The following SESN3 variants were observed in gnomAD, a reference collection of about 807,000 sequenced individuals.
SESN3 encodes the protein sestrin-3.
A neutral mutation model predicts 55.3 loss-of-function variants in SESN3; 21 were observed. That is an observed-to-expected ratio of 0.38 (90% CI 0.27 to 0.55). The LOEUF is 0.55. Ranked by LOEUF, SESN3 falls within the 20% of genes least tolerant of loss-of-function variation. The probability of loss-of-function intolerance (pLI) is 0.76; values close to 1 mark genes in which losing one functional copy is unlikely to be tolerated. For missense variants in SESN3, 408 were observed against 604.3 expected (o/e 0.68, Z 3.41); for synonymous variants, 181 against 203.1 (o/e 0.89, Z 0.93).
chr11:95,223,556 G>A (rs1860897544), intron 1 of SESN3, among the ~76,000 whole-genome samples: 1 of 152,142 alleles, frequency 6.6e-6, no homozygotes, highest in African/African-American at 2.4e-5. Flanking sequence ...ATTAGGGAAA[G>A]ATCATTTCTA....
At chr11:95,219,390 CAA>C (rs1174119562) in intron 1 of SESN3, among the ~76,000 whole-genome samples, 1 of 151,896 alleles carries the variant, frequency 6.6e-6, no homozygotes, top group Non-Finnish European at 1.5e-5. Flanking sequence ...TAATTTACAC[CAA>C]AAAATTAAGA....
At position 95,191,545 on chromosome 11, in the gene SESN3, A is replaced by G. The variant is rs768890395; in HGVS notation, c.201T>C (p.Ser67=). 5.0e-6 allele frequency: 8 copies of G among 1,612,906 alleles called. No individual in the cohort carries two copies. Among genetic ancestry groups the G allele is most frequent in the Non-Finnish European group, 6.8e-6 (8 of 1,179,214 alleles). The part of the protein sequence containing the change: ...ERTNFLVEEY[S]TSGRLDNITQ... ...TGATGTTGTCCAGACGACCGGATGT[A>G]GAGTATTCTTCCACAAGAAAGTTAG... The change falls in exon 3 of 10, where the codon TCT becomes TCC. Residue 67 remains serine (S), a synonymous_variant. Coordinates refer to ENST00000536441, the MANE Select transcript of SESN3 (RefSeq NM_144665.4).
chr11:95,231,173 G>T lies in SESN3; in HGVS notation c.-313C>A, dbSNP rs1044939831. ...ACGAGCAGCCGCCACCGCTGCCACC[G>T]CCACCACCGCCGCCGCAGCGCCTCA... On this transcript the variant is annotated 5_prime_UTR_variant, in exon 1 of 10. Transcript: ENST00000536441. The T allele has an allele frequency of 2.9e-5, 8 of 272,872 alleles. No homozygotes were observed. Among genetic ancestry groups the T allele is most frequent in the African/African-American group, 2.0e-4 (7 of 35,576 alleles). 16.9% of individuals were successfully genotyped at this position (272,872 alleles called of 1,614,324 possible). A position where few individuals can be genotyped will look rare whatever the true frequency, so the allele number is the denominator to read the frequency against.
In SESN3 at chr11:95,169,579, C is replaced by T. The variant is rs1859811806; in HGVS notation, c.*3676G>A. Reference sequence around the variant, plus strand: ...AACCTAAAACACCTTATTTTGCTAACACAGTGCAAATCATTTTTATAATAT... The same window carrying T: ...AACCTAAAACACCTTATTTTGCTAATACAGTGCAAATCATTTTTATAATAT... On this transcript the variant is annotated 3_prime_UTR_variant, in exon 10 of 10. Coordinates refer to ENST00000536441, the MANE Select transcript of SESN3 (RefSeq NM_144665.4). The T allele has an allele frequency of 6.6e-6, 1 of 152,134 alleles. No homozygotes were observed. The highest frequency in any genetic ancestry group is 1.5e-5 in the Non-Finnish European group (1 of 68,004). The allele number at this position is 152,134 out of a possible 1,614,324, so 9.4% of individuals were successfully genotyped here.
chr11:95,213,752 T>C (rs2134258433), intron 1 of SESN3, among the ~76,000 whole-genome samples: 1 of 152,308 alleles, frequency 6.6e-6, no homozygotes, highest in African/African-American at 2.4e-5. Flanking sequence ...TTTTTATTCT[T>C]TATGAGAGTA....
chr11:95,183,912 G>A (rs35739929), intron 6 of SESN3, among the ~76,000 whole-genome samples: 41,380 of 151,894 alleles, frequency 0.27, 6,032 homozygotes, highest in Admixed American at 0.32. Flanking sequence ...TCCAAATTCA[G>A]TCTAAGAAAA....
At chr11:95,188,144 T>G (rs1465951515) in intron 4 of SESN3, among the ~76,000 whole-genome samples, 1 of 151,862 alleles carries the variant, frequency 6.6e-6, no homozygotes, top group African/African-American at 2.4e-5. Context: ...CACAAAAACC[T>G]TTAATGATTC....
At chr11:95,195,385 T>C (rs766923881) in intron 1 of SESN3, among the ~76,000 whole-genome samples, 2 of 152,188 alleles carry the variant, frequency 1.3e-5, no homozygotes, top group African/African-American at 4.8e-5. Context: ...TGTTTAGCAA[T>C]TGAAAAGAAG....
intron 1 of SESN3, among the ~76,000 whole-genome samples, chr11:95,203,461 T>C (rs189116525): frequency 1.3e-3 from 203 of 152,294 alleles, no homozygotes; most frequent in Non-Finnish European, 1.9e-4. Context: ...TTTGATTTTA[T>C]TTTGAATTAC....
At chr11:95,231,352 C>T (rs935766180), upstream of SESN3, 4 of 384,838 alleles carry the variant, frequency 1.0e-5, no homozygotes, top group Non-Finnish European at 1.8e-5. Flanking sequence ...GCCGGCCAAT[C>T]GCAGGGGCCG....
chr11:95,201,588 C>T (rs1025042843), intron 1 of SESN3, among the ~76,000 whole-genome samples: 2 of 151,940 alleles, frequency 1.3e-5, no homozygotes, highest in East Asian at 3.8e-4. Flanking sequence ...CTTCTAAAAA[C>T]AAAAGGACCA....
chr11:95,203,774 T>C (rs934397751), intron 1 of SESN3: 2 of 152,244 alleles, frequency 1.3e-5, no homozygotes, highest in African/African-American at 4.8e-5. Flanking sequence ...GACCTCTTTA[T>C]AGTCTTAAAA....
At chr11:95,215,934 T>C (rs1457109336) in intron 1 of SESN3, among the ~76,000 whole-genome samples, 2 of 151,686 alleles carry the variant, frequency 1.3e-5, no homozygotes, top group African/African-American at 2.4e-5. Flanking sequence ...CCGTCTCTAC[T>C]AAAAATACAA....
chr11:95,203,560 G>C (rs950773217), intron 1 of SESN3, among the ~76,000 whole-genome samples: 1 of 151,990 alleles, frequency 6.6e-6, no homozygotes, highest in Non-Finnish European at 1.5e-5. Flanking sequence ...TTTTTACCTG[G>C]AATAGAATGA....
intron 1 of SESN3, among the ~76,000 whole-genome samples, chr11:95,216,110 G>GAAAAAAAAAAAAAAAAAAAAAAAAA (rs71036381): frequency 1.6e-5 from 2 of 122,210 alleles, no homozygotes; most frequent in African/African-American, 6.2e-5. Flanking sequence ...AAAAAAAAAA[G>GAAAAAAAAAAAAAAAAAAAAAAAAA]AAAAAAAAAA....
intron 1 of SESN3, among the ~76,000 whole-genome samples, chr11:95,196,086 C>T (rs1680561783): frequency 6.6e-6 from 1 of 152,006 alleles, no homozygotes; most frequent in Admixed American, 6.6e-5. Flanking sequence ...TATGGCCCGA[C>T]CTAAAATATT....
intron 6 of SESN3, among the ~76,000 whole-genome samples, chr11:95,179,613 C>T (rs1860024392): frequency 6.6e-6 from 1 of 151,996 alleles, no homozygotes. Flanking sequence ...TGCAAAAAAG[C>T]ATATAGGGAG....
intron 4 of SESN3, among the ~76,000 whole-genome samples, chr11:95,186,441 G>C (rs757392801): frequency 4.0e-5 from 6 of 151,818 alleles, no homozygotes; most frequent in Non-Finnish European, 7.4e-5. Context: ...GAAAAGAAAA[G>C]AAAATCAGTC....
intron 1 of SESN3, among the ~76,000 whole-genome samples, chr11:95,222,053 ACCCTAGGCTCAC>A (rs1054129426): frequency 3.7e-4 from 56 of 152,304 alleles, no homozygotes; most frequent in Admixed American, 2.2e-3. Context: ...CAAAACTGGA[ACCCTAGGCTCAC>A]CTAGAATCTT....
Sources: gnomAD v4.1 joint callset for allele counts (sites outside exome capture counted in the v4.1 genomes callset) on GRCh38, gnomAD v4.1.1 for gene constraint, MANE v1.5 for transcripts, NCBI Gene and HGNC (gene_info 2026-07-23, HGNC 2026-07-21) for gene names.